The following LRRC49 variants were observed in gnomAD, a reference collection of about 807,000 sequenced individuals.
LRRC49 encodes the protein leucine-rich repeat-containing protein 49.
A neutral mutation model predicts 83.3 loss-of-function variants in LRRC49; 50 were observed. The observed-to-expected ratio is 0.60, with a 90% CI of 0.48 to 0.76. The LOEUF is 0.76. Among genes scored for constraint, LRRC49 ranks in the 30% least tolerant of loss-of-function variants. The pLI is 0.00. For missense variants in LRRC49, 704 were observed against 809.1 expected, an observed-to-expected ratio of 0.87 and a Z score of 1.58; for synonymous variants, 286 against 283.3, an observed-to-expected ratio of 1.01 and a Z score of -0.10.
chr15:71,004,611 C>A (rs1169638640), intron 11 of LRRC49, among the ~76,000 whole-genome samples: 2 of 149,462 alleles, frequency 1.3e-5, no homozygotes, highest in Non-Finnish European at 3.0e-5. Flanking sequence ...GATTGTGCCA[C>A]TGCACTCCAG....
At chr15:71,030,454 T>G (rs2039314484) in intron 14 of LRRC49, among the ~76,000 whole-genome samples, 1 of 152,210 alleles carries the variant, frequency 6.6e-6, no homozygotes, top group African/African-American at 2.4e-5. Flanking sequence ...TAACATTTTT[T>G]CCTTTGTTTC....
At chr15:71,030,542 C>T (rs1596160858) in intron 14 of LRRC49, among the ~76,000 whole-genome samples, 1 of 152,192 alleles carries the variant, frequency 6.6e-6, no homozygotes, top group Middle Eastern at 3.4e-3. Context: ...CTCTGTATTT[C>T]CTGAATTTGA....
upstream of LRRC49, chr15:70,892,091 G>C (rs921720539): frequency 1.2e-6 from 2 of 1,613,984 alleles, no homozygotes; most frequent in Non-Finnish European, 1.7e-6. Context: ...GTCAAAACAG[G>C]CTGGGGCAAA....
chr15:70,946,806 A>C (rs2036023889), intron 8 of LRRC49, among the ~76,000 whole-genome samples: 1 of 152,004 alleles, frequency 6.6e-6, no homozygotes, highest in African/African-American at 2.4e-5. Flanking sequence ...ATGATATCTC[A>C]TTGTGGTTTT....
intron 2 of LRRC49, among the ~76,000 whole-genome samples, chr15:70,884,901 T>C (rs985582879): frequency 6.6e-6 from 1 of 152,170 alleles, no homozygotes; most frequent in Non-Finnish European, 1.5e-5. Context: ...ACTTTATATT[T>C]TGATGTTGTC....
At chr15:70,980,031 A>G (rs1425373432) in intron 9 of LRRC49, 70 bp from the exon 10 acceptor site, 1 of 938,162 alleles carries the variant, frequency 1.1e-6, no homozygotes, top group Non-Finnish European at 1.7e-6. Flanking sequence ...TGTGCTTAAT[A>G]GGACCAATGA....
chr15:70,903,508 A>G (rs1454544467), intron 4 of LRRC49, among the ~76,000 whole-genome samples: 4 of 152,062 alleles, frequency 2.6e-5, no homozygotes, highest in Admixed American at 6.6e-5. Context: ...ATTAACATTC[A>G]GTTATTTTTT....
rs1397581920 is a variant in LRRC49, at chr15:70,904,634, A to G, written c.379A>G (p.Ile127Val). The change falls in exon 5 of 16, where the codon ATA becomes GTA. Residue 127 changes from isoleucine to valine, a missense_variant. Around this residue, in one of 3 missense-constraint regions of LRRC49, gnomAD observed 261 missense variants for 330.5 expected, o/e 0.79. Transcript: ENST00000260382. ...CTTTCAACACAATTTTATAACTCGG[A>G]TACAAAATATTTCTAATCTACAGAA... is the stretch of plus-strand genomic sequence containing the variant. Reference protein sequence around the residue: ...LNFQHNFITRIQNISNLQKLI... With the variant: ...LNFQHNFITRVQNISNLQKLI... The G allele has an allele frequency of 6.2e-7, 1 of 1,612,946 alleles. No individual in the cohort carries two copies. Among genetic ancestry groups the G allele is most frequent in the East Asian group, 2.2e-5 (1 of 44,848 alleles).
intron 2 of LRRC49, among the ~76,000 whole-genome samples, chr15:70,883,244 C>A (rs1274540560): frequency 1.3e-5 from 2 of 151,104 alleles, no homozygotes; most frequent in African/African-American, 2.4e-5. Context: ...CAAGCTGGAG[C>A]GCAATGGTGC....
At chr15:70,995,715 A>G (rs1047829415) in intron 11 of LRRC49, among the ~76,000 whole-genome samples, 2 of 152,160 alleles carry the variant, frequency 1.3e-5, no homozygotes, top group African/African-American at 4.8e-5. Context: ...TGACATTTTG[A>G]ACTTTTAAAG....
upstream of LRRC49, among the ~76,000 whole-genome samples, chr15:70,888,804 G>A (rs2033476202): frequency 1.3e-5 from 2 of 152,102 alleles, no homozygotes; most frequent in African/African-American, 4.8e-5. Flanking sequence ...AGATTTAAAA[G>A]GGCATGTCAC....
chr15:71,020,130 T>A (rs10444852), intron 14 of LRRC49, among the ~76,000 whole-genome samples: 44,808 of 151,860 alleles, frequency 0.3, 7,962 homozygotes, highest in Non-Finnish European at 0.39. Context: ...CCAGAAGACC[T>A]GAAAGGAAAC....
intron 1 of LRRC49, among the ~76,000 whole-genome samples, chr15:70,866,197 G>C (rs2032907917): frequency 6.6e-6 from 1 of 151,592 alleles, no homozygotes; most frequent in Non-Finnish European, 1.5e-5. Flanking sequence ...ACCCAGGCTG[G>C]AGTGCAGTGG....
intron 11 of LRRC49, among the ~76,000 whole-genome samples, chr15:71,006,673 C>T (rs966895019): frequency 2.0e-5 from 3 of 152,088 alleles, no homozygotes; most frequent in Admixed American, 6.5e-5. Context: ...GTTGGATCTA[C>T]TATAGTAATC....
chr15:70,982,014 T>C (rs2037419593), intron 10 of LRRC49, among the ~76,000 whole-genome samples: 1 of 151,898 alleles, frequency 6.6e-6, no homozygotes, highest in Non-Finnish European at 1.5e-5. Flanking sequence ...ATGTCTTCCC[T>C]TTTCCGGGCC....
chr15:71,035,921 G>A (rs928806810), intron 14 of LRRC49, among the ~76,000 whole-genome samples: 6 of 152,130 alleles, frequency 3.9e-5, no homozygotes, highest in African/African-American at 1.4e-4. Flanking sequence ...TCATCACACT[G>A]TCTTCCACAA....
chr15:70,878,689 T>C (rs991268307), intron 2 of LRRC49, among the ~76,000 whole-genome samples: 1 of 152,246 alleles, frequency 6.6e-6, no homozygotes, highest in African/African-American at 2.4e-5. Context: ...CAAATGTTTT[T>C]TAAATCTAGT....
intron 1 of LRRC49, among the ~76,000 whole-genome samples, chr15:70,855,561 A>G (rs959062819): frequency 1.3e-5 from 2 of 152,186 alleles, no homozygotes; most frequent in African/African-American, 2.4e-5. Flanking sequence ...GGTCTCCTGG[A>G]GGGCAGTGTC....
intron 9 of LRRC49, among the ~76,000 whole-genome samples, chr15:70,974,142 A>G (rs944834182): frequency 6.6e-6 from 1 of 152,146 alleles, no homozygotes; most frequent in African/African-American, 2.4e-5. Flanking sequence ...ATAAAATAAT[A>G]AAATAAAATA....
Sources: gnomAD v4.1 joint callset for allele counts (sites outside exome capture counted in the v4.1 genomes callset) on GRCh38, gnomAD v4.1.1 for gene constraint, gnomAD v4.1.1 regional missense constraint, MANE v1.5 for transcripts, NCBI Gene and HGNC (gene_info 2026-07-23, HGNC 2026-07-21) for gene names.